The following DNAL1 variants were observed in gnomAD, a reference collection of about 807,000 sequenced individuals.
The protein encoded by DNAL1 is dynein axonemal light chain 1.
In DNAL1, 17 loss-of-function variants were observed where a neutral mutation model predicts 29.4. The ratio of observed to expected loss-of-function variants is 0.58; its 90% CI spans 0.40 to 0.87. The LOEUF is 0.87. Among genes scored for constraint, DNAL1 ranks in the 40% least tolerant of loss-of-function variants. The probability of loss-of-function intolerance (pLI) is 0.00; values close to 1 mark genes in which losing one functional copy is unlikely to be tolerated. For synonymous variants in DNAL1, 78 were observed against 76.3 expected (o/e 1.02, Z -0.12); for missense variants, 188 against 214.1 (o/e 0.88, Z 0.76).
rs552281308 is a variant in DNAL1 at position 73,654,582 on chromosome 14, A to G, written c.4-265A>G. Among the ~76,000 whole-genome samples, 9 of 152,196 alleles carry G rather than the reference A, an allele frequency of 5.9e-5. No homozygotes were observed. In the South Asian group the frequency reaches 8.3e-4, roughly 14 times the overall value. ...AGACCACCCTGGCCAACATGGTGAA[A>G]CCCCATCTCTACTAAAAATACAAAA... is the stretch of plus-strand genomic sequence containing the variant. On this transcript the variant is annotated intron_variant, in intron 1 of 7. Coordinates refer to ENST00000553645, the MANE Select transcript of DNAL1 (RefSeq NM_031427.4).
intron 3 of DNAL1, among the ~76,000 whole-genome samples, chr14:73,661,032 C>A (rs534032223): frequency 1.3e-5 from 2 of 152,100 alleles, no homozygotes; most frequent in Non-Finnish European, 2.9e-5. Context: ...TTACCTGACT[C>A]GCACACTCAT....
At chr14:73,694,849 C>A (rs577259591) in intron 7 of DNAL1, among the ~76,000 whole-genome samples, 1 of 152,010 alleles carries the variant, frequency 6.6e-6, no homozygotes, top group South Asian at 2.1e-4. Context: ...GCCACAACAG[C>A]CAGCCAATTT....
intron 5 of DNAL1, 73 bp downstream of exon 5, chr14:73,671,670 C>T: frequency 7.6e-7 from 1 of 1,317,960 alleles, no homozygotes; most frequent in South Asian, 1.7e-5. Context: ...GGATAAATTC[C>T]TTGAAATGGA....
chr14:73,655,846 G>T (rs1229515161), intron 2 of DNAL1, among the ~76,000 whole-genome samples: 1 of 151,988 alleles, frequency 6.6e-6, no homozygotes, highest in Non-Finnish European at 1.5e-5. Context: ...AGCAATACTA[G>T]AAAGGAAACT....
chr14:73,685,845 T>C (rs957297041), intron 5 of DNAL1, among the ~76,000 whole-genome samples: 5 of 152,286 alleles, frequency 3.3e-5, no homozygotes, highest in Admixed American at 1.3e-4. Context: ...CAGTGGACAC[T>C]TGGGTCACGT....
At chr14:73,680,831 T>G (rs1165953390) in intron 5 of DNAL1, among the ~76,000 whole-genome samples, 3 of 152,212 alleles carry the variant, frequency 2.0e-5, no homozygotes, top group Admixed American at 6.5e-5. Flanking sequence ...TTTAGCCTAT[T>G]GCTCCTAGGC....
Position 73,671,679 on chromosome 14 carries a change from G to T in DNAL1, c.264+82G>T. ...TTTCTTGGATAAATTCCTTGAAATG[G>T]AATTACTAGGTCAAAAGGTATCAGT... On this transcript the variant is annotated intron_variant, in intron 5 of 7. Transcript: ENST00000553645. The T allele has an allele frequency of 7.8e-6, 10 of 1,288,626 alleles. No homozygotes were observed. In the South Asian group the frequency reaches 1.6e-4, roughly 21 times the overall value. The allele number at this position is 1,288,626 out of a possible 1,614,324, so 79.8% of individuals were successfully genotyped here. A position where few individuals can be genotyped will look rare whatever the true frequency, so the allele number is the denominator to read the frequency against.
intron 1 of DNAL1, among the ~76,000 whole-genome samples, chr14:73,651,491 T>C (rs1891113305): frequency 1.3e-5 from 2 of 152,320 alleles, no homozygotes; most frequent in South Asian, 2.1e-4. Flanking sequence ...GCTTGGAGTA[T>C]TGGGGGAAGA....
intron 5 of DNAL1, among the ~76,000 whole-genome samples, chr14:73,675,754 A>T (rs1001168182): frequency 2.2e-4 from 33 of 152,236 alleles, no homozygotes; most frequent in African/African-American, 6.7e-4. Context: ...GCAGTGGCTC[A>T]CGCCTGTAAT....
rs1020074063 is a variant in DNAL1 at position 73,651,685 on chromosome 14, C to T, written c.4-3162C>T. On this transcript the variant is annotated intron_variant, in intron 1 of 7. Transcript: ENST00000553645. ...TATTTTTTATTTTGGAGACAAGAGTCTTGCTCTGCTGCCCGGGCTGCAGTG... is the reference window on the plus strand; with the variant it reads ...TATTTTTTATTTTGGAGACAAGAGTTTTGCTCTGCTGCCCGGGCTGCAGTG... Among the ~76,000 whole-genome samples the T allele has an allele frequency of 4.6e-5, 7 of 152,144 alleles. No individual in the cohort carries two copies. The East Asian group carries it at 1.3e-3, about 29-fold the overall frequency.
intron 4 of DNAL1, among the ~76,000 whole-genome samples, chr14:73,668,242 T>TA (rs1555401786): frequency 6.6e-6 from 1 of 152,146 alleles, no homozygotes; most frequent in Non-Finnish European, 1.5e-5. Flanking sequence ...TTATTTTGTT[T>TA]ATCTGCCAAA....
rs1011931497 is a variant in DNAL1, at chr14:73,700,171, G to C, written c.*4229G>C. ...GTTCGAGGCCAGCCTGGCCAACGTG[G>C]TGAAACCCCATGTCTACCAAAAATA... On this transcript the variant is annotated 3_prime_UTR_variant, in exon 8 of 8. Coordinates refer to ENST00000553645, the MANE Select transcript of DNAL1 (RefSeq NM_031427.4). 1.3e-5 allele frequency: 2 copies of C among 152,224 alleles called. No individual in the cohort carries two copies. Among genetic ancestry groups the C allele is most frequent in the Non-Finnish European group, 2.9e-5 (2 of 68,062 alleles). 9.4% of individuals were successfully genotyped at this position (152,224 alleles called of 1,614,324 possible). A position where few individuals can be genotyped will look rare whatever the true frequency, so the allele number is the denominator to read the frequency against.
At chr14:73,651,509 G>A (rs1317248709) in intron 1 of DNAL1, among the ~76,000 whole-genome samples, 1 of 151,862 alleles carries the variant, frequency 6.6e-6, no homozygotes, top group Admixed American at 6.6e-5. Flanking sequence ...AGAGGATAAG[G>A]GTAAATCTAT....
chr14:73,685,695 A>T (rs1892006020), intron 5 of DNAL1, among the ~76,000 whole-genome samples: 1 of 151,958 alleles, frequency 6.6e-6, no homozygotes, highest in Non-Finnish European at 1.5e-5. Context: ...CTCCTGACCT[A>T]AGGTGAGCCG....
intron 1 of DNAL1, among the ~76,000 whole-genome samples, chr14:73,648,418 T>A (rs1241546084): frequency 1.7e-3 from 16 of 9,408 alleles, no homozygotes; most frequent in South Asian, 7.0e-3. Context: ...ATATATATAT[T>A]TGTTGTTTGT....
intron 7 of DNAL1, among the ~76,000 whole-genome samples, chr14:73,694,697 T>C (rs867697450): frequency 6.6e-6 from 1 of 152,000 alleles, no homozygotes; most frequent in Non-Finnish European, 1.5e-5. Flanking sequence ...GAAAACTTTT[T>C]TTTTTTTTTT....
chr14:73,688,862 C>T (rs935427061), intron 6 of DNAL1, among the ~76,000 whole-genome samples: 2 of 152,046 alleles, frequency 1.3e-5, no homozygotes, highest in Admixed American at 1.3e-4. Context: ...GGTATGTCTT[C>T]TTTTTCCCTC....
intron 5 of DNAL1, among the ~76,000 whole-genome samples, chr14:73,672,058 T>C (rs1410355980): frequency 6.6e-6 from 1 of 152,182 alleles, no homozygotes; most frequent in Non-Finnish European, 1.5e-5. Context: ...TAAATCTAGC[T>C]TGTGCTTCGT....
At position 73,689,452 on chromosome 14, in the gene DNAL1, T is replaced by G. The variant is rs776888880; in HGVS notation, c.469T>G (p.Ser157Ala). 1.3e-6 allele frequency: 2 copies of G among 1,568,306 alleles called. No individual in the cohort carries two copies. The highest frequency in any genetic ancestry group is 1.7e-6 in the Non-Finnish European group (2 of 1,156,218). ...AGGCAATCCCTTGGAAGAGAAACAT[T>G]CTGCTGAGAATAACTGGATTGAAGA... ...FVGNPLEEKH[S>A]AENNWIEEAT... The change falls in exon 7 of 8, where the codon TCT becomes GCT. Residue 157 changes from serine (S) to alanine (A), a missense_variant. Ser to Ala is a moderately conservative substitution (Grantham distance 99, BLOSUM62 1). Transcript: ENST00000553645.
Sources: gnomAD v4.1 joint callset for allele counts (sites outside exome capture counted in the v4.1 genomes callset) on GRCh38, gnomAD v4.1.1 for gene constraint, MANE v1.5 for transcripts, NCBI Gene and HGNC (gene_info 2026-07-23, HGNC 2026-07-21) for gene names.